The following TBC1D5 variants were observed in gnomAD, a reference collection of about 807,000 sequenced individuals.
The protein encoded by TBC1D5 is TBC1 domain family, member 5.
TBC1D5 carries 75 observed loss-of-function variants against 100.3 expected under a neutral mutation model. The observed-to-expected ratio is 0.75, with a 90% CI of 0.62 to 0.91. TBC1D5 has a LOEUF of 0.91. Among genes scored for constraint, TBC1D5 ranks in the 40% least tolerant of loss-of-function variants. TBC1D5 has a pLI of 0.00. For synonymous variants in TBC1D5, 323 were observed against 325.6 expected (o/e 0.99, Z 0.09); for missense variants, 910 against 942.4 (o/e 0.97, Z 0.45).
At chr3:17,287,366 A>G (rs961934143) in intron 15 of TBC1D5, among the ~76,000 whole-genome samples, 1 of 152,242 alleles carries the variant, frequency 6.6e-6, no homozygotes, top group Non-Finnish European at 1.5e-5. Flanking sequence ...CAAAACACAC[A>G]TGCATATATA....
At chr3:17,408,742 C>A (rs1284986316) in intron 4 of TBC1D5, among the ~76,000 whole-genome samples, 1 of 152,038 alleles carries the variant, frequency 6.6e-6, no homozygotes, top group African/African-American at 2.4e-5. Flanking sequence ...AATTTTTTAA[C>A]CCAATTGTCT....
At chr3:17,619,397 A>C (rs1382470407) in intron 2 of TBC1D5, among the ~76,000 whole-genome samples, 1 of 152,252 alleles carries the variant, frequency 6.6e-6, no homozygotes, top group African/African-American at 2.4e-5. Flanking sequence ...TAATGAAAAC[A>C]GTGTAGGACT....
intron 2 of TBC1D5, among the ~76,000 whole-genome samples, chr3:17,559,650 C>T (rs113199126): frequency 5.0e-4 from 75 of 150,454 alleles, no homozygotes; most frequent in African/African-American, 1.7e-3. Context: ...AGTGCAACGG[C>T]GCGATCTCGG....
intron 1 of TBC1D5, among the ~76,000 whole-genome samples, chr3:17,697,762 G>A (rs923665697): frequency 2.6e-5 from 4 of 151,506 alleles, no homozygotes; most frequent in South Asian, 2.1e-4. Flanking sequence ...CTACTTTAAA[G>A]TTCATGTGGA....
At chr3:17,195,578 C>T (rs1446085513) in intron 18 of TBC1D5, among the ~76,000 whole-genome samples, 1 of 152,210 alleles carries the variant, frequency 6.6e-6, no homozygotes, top group Non-Finnish European at 1.5e-5. Flanking sequence ...ATGAAATGTA[C>T]ACACTTGCAC....
chr3:17,442,921 G>T (rs902509184), intron 3 of TBC1D5, among the ~76,000 whole-genome samples: 1 of 151,888 alleles, frequency 6.6e-6, no homozygotes, highest in Non-Finnish European at 1.5e-5. Context: ...GGGAGGGGAG[G>T]AAGAGGAAGA....
chr3:17,271,175 TAGC>T (rs2079385508), intron 15 of TBC1D5, among the ~76,000 whole-genome samples: 2 of 152,186 alleles, frequency 1.3e-5, no homozygotes, highest in Non-Finnish European at 2.9e-5. Context: ...TTGATAGAAA[TAGC>T]AGTTTTGAAT....
intron 3 of TBC1D5, among the ~76,000 whole-genome samples, chr3:17,463,883 T>C (rs1314579100): frequency 1.3e-5 from 2 of 151,952 alleles, no homozygotes; most frequent in African/African-American, 2.4e-5. Context: ...TTGATTTGAG[T>C]ATTAATTTTA....
At chr3:17,469,472 T>C (rs1211047521) in intron 3 of TBC1D5, among the ~76,000 whole-genome samples, 2 of 151,462 alleles carry the variant, frequency 1.3e-5, no homozygotes, top group Admixed American at 6.6e-5. Context: ...GTCCAGCCTG[T>C]AGACAATTCA....
chr3:17,277,172 CAAG>C (rs1413665627), intron 15 of TBC1D5, among the ~76,000 whole-genome samples: 1 of 152,172 alleles, frequency 6.6e-6, no homozygotes, highest in African/African-American at 2.4e-5. Context: ...ATTTTATTCT[CAAG>C]AAGAAAAGTT....
intron 21 of TBC1D5, 56 bp from the exon 23 acceptor site, chr3:17,161,312 G>A: frequency 1.3e-6 from 2 of 1,542,598 alleles, no homozygotes; most frequent in Non-Finnish European, 1.7e-6. Context: ...GCAAAGAACT[G>A]AGTGGAAGGC....
In TBC1D5 at chr3:17,306,894, C is replaced by T. The variant is rs185628082; in HGVS notation, c.1138+1098G>A. Among the ~76,000 whole-genome samples the T allele has an allele frequency of 3.5e-3, 531 of 152,176 alleles. 3 individuals carry two copies. The highest frequency in any genetic ancestry group is 0.011 in the African/African-American group (458 of 41,542). On this transcript the variant is annotated intron_variant, in intron 14 of 21. Coordinates refer to ENST00000253692, the Ensembl canonical transcript of TBC1D5. ...TCTACTTTCCTGATGTTTCCTCTTA[C>T]GACTTCCATGTTCTTAAATGATTAG... is the stretch of plus-strand genomic sequence containing the variant.
At chr3:17,241,255 A>G (rs2076285182) in intron 16 of TBC1D5, among the ~76,000 whole-genome samples, 3 of 152,194 alleles carry the variant, frequency 2.0e-5, no homozygotes. Flanking sequence ...TGAAATATTA[A>G]ACAACTTCCA....
chr3:17,624,315 G>A (rs1161529808), intron 1 of TBC1D5, among the ~76,000 whole-genome samples: 1 of 152,082 alleles, frequency 6.6e-6, no homozygotes, highest in Non-Finnish European at 1.5e-5. Context: ...GTTACATGAT[G>A]CCTTTATTTT....
At chr3:17,352,566 T>C (rs1261782217) in intron 13 of TBC1D5, among the ~76,000 whole-genome samples, 1 of 150,510 alleles carries the variant, frequency 6.6e-6, no homozygotes, top group African/African-American at 2.4e-5. Flanking sequence ...TCAAACTAAA[T>C]AATGGGATGC....
intron 2 of TBC1D5, among the ~76,000 whole-genome samples, chr3:17,585,821 C>T (rs2096729104): frequency 6.6e-6 from 1 of 152,080 alleles, no homozygotes; most frequent in African/African-American, 2.4e-5. Flanking sequence ...TTCATTTATA[C>T]CTATAGGACT....
intron 1 of TBC1D5, among the ~76,000 whole-genome samples, chr3:17,660,035 C>T (rs995895075): frequency 1.3e-5 from 2 of 152,106 alleles, no homozygotes; most frequent in Non-Finnish European, 2.9e-5. Flanking sequence ...ATGTCACTAA[C>T]ATTTATTTAA....
intron 1 of TBC1D5, among the ~76,000 whole-genome samples, chr3:17,664,235 A>C (rs1201608980): frequency 6.6e-6 from 1 of 151,954 alleles, no homozygotes; most frequent in Non-Finnish European, 1.5e-5. Context: ...AGGCCCAGCT[A>C]ATCTTTTTGT....
At chr3:17,268,704 T>C (rs966551191) in intron 15 of TBC1D5, among the ~76,000 whole-genome samples, 1 of 152,244 alleles carries the variant, frequency 6.6e-6, no homozygotes, top group Admixed American at 6.5e-5. Context: ...CCTATACCCA[T>C]ATTTGAAGAA....
Sources: allele counts gnomAD v4.1 joint callset (sites outside exome capture counted in the v4.1 genomes callset), GRCh38; gene constraint gnomAD v4.1.1; transcripts MANE v1.5; gene names NCBI Gene and HGNC (gene_info 2026-07-23, HGNC 2026-07-21).